The following SUMF1 variants were observed in gnomAD, a reference collection of about 807,000 sequenced individuals.
SUMF1 encodes sulfatase modifying factor 1, also known as formylglycine-generating enzyme.
SUMF1 carries 48 observed loss-of-function variants against 47.6 expected under a neutral mutation model. That is an observed-to-expected ratio of 1.01 (90% CI 0.80 to 1.28). SUMF1 has a LOEUF of 1.28. Among genes scored for constraint, SUMF1 ranks in the 50% most tolerant of loss-of-function variants. SUMF1 has a pLI of 0.00. For missense variants in SUMF1, 571 were observed against 485.4 expected (o/e 1.18, Z -1.66); for synonymous variants, 230 against 192.1 (o/e 1.20, Z -1.63).
intron 8 of SUMF1, among the ~76,000 whole-genome samples, chr3:4,306,115 C>G (rs1387610309): frequency 6.6e-6 from 1 of 152,162 alleles, no homozygotes; most frequent in Admixed American, 6.5e-5. Context: ...TTACAACTGT[C>G]ACGATTAGCT....
chr3:4,440,709 G>GACTTTCAAACA (rs1702557692), intron 3 of SUMF1, among the ~76,000 whole-genome samples: 1 of 152,184 alleles, frequency 6.6e-6, no homozygotes, highest in Admixed American at 6.5e-5. Flanking sequence ...CAATGAAAGT[G>GACTTTCAAACA]ACTTTCAGTT....
intron 8 of SUMF1, among the ~76,000 whole-genome samples, chr3:4,128,910 G>T (rs1166564268): frequency 2.6e-5 from 4 of 152,030 alleles, no homozygotes; most frequent in African/African-American, 7.3e-5. Flanking sequence ...TAGTTTATTT[G>T]CTTGGTTAGC....
At chr3:4,082,425 T>C (rs1018653697) in intron 8 of SUMF1, among the ~76,000 whole-genome samples, 2 of 152,118 alleles carry the variant, frequency 1.3e-5, no homozygotes, top group Non-Finnish European at 2.9e-5. Flanking sequence ...GCCGTGTTCA[T>C]GCCACTGCAC....
chr3:4,252,178 T>G (rs1696817360), intron 8 of SUMF1, among the ~76,000 whole-genome samples: 1 of 152,190 alleles, frequency 6.6e-6, no homozygotes, highest in Non-Finnish European at 1.5e-5. Context: ...AATTCTAATC[T>G]ACAAAATATA....
chr3:4,285,731 A>G (rs1389893256), intron 8 of SUMF1, among the ~76,000 whole-genome samples: 1 of 152,128 alleles, frequency 6.6e-6, no homozygotes, highest in Non-Finnish European at 1.5e-5. Flanking sequence ...TTGCTAAGTG[A>G]TCAGTACTGT....
chr3:4,335,091 G>A (rs1220273516), intron 8 of SUMF1, among the ~76,000 whole-genome samples: 1 of 152,140 alleles, frequency 6.6e-6, no homozygotes, highest in Admixed American at 6.5e-5. Context: ...GATTTCAGTT[G>A]ACATAAGAGG....
intron 8 of SUMF1, among the ~76,000 whole-genome samples, chr3:4,289,853 C>T (rs894429191): frequency 1.3e-5 from 2 of 152,166 alleles, no homozygotes; most frequent in Non-Finnish European, 2.9e-5. Context: ...TGAACAAATG[C>T]TAAAAATAAA....
At chr3:4,424,709 A>T (rs1426783493) in intron 3 of SUMF1, among the ~76,000 whole-genome samples, 1 of 152,250 alleles carries the variant, frequency 6.6e-6, no homozygotes, top group African/African-American at 2.4e-5. Context: ...ACTGTCATAA[A>T]GGTAACCTAT....
At chr3:4,402,412 T>C (rs1321789170) in intron 7 of SUMF1, among the ~76,000 whole-genome samples, 1 of 152,208 alleles carries the variant, frequency 6.6e-6, no homozygotes, top group African/African-American at 2.4e-5. Context: ...CTTAGCATAG[T>C]GCATCTTGAT....
intron 8 of SUMF1, among the ~76,000 whole-genome samples, chr3:4,128,274 G>A (rs1693704012): frequency 6.6e-6 from 1 of 152,182 alleles, no homozygotes; most frequent in Non-Finnish European, 1.5e-5. Context: ...GGTGTCTACT[G>A]TTAAAGTGAG....
intron 8 of SUMF1, among the ~76,000 whole-genome samples, chr3:4,304,754 A>G (rs1698116468): frequency 6.6e-6 from 1 of 152,232 alleles, no homozygotes; most frequent in Non-Finnish European, 1.5e-5. Context: ...GATGTCAAGG[A>G]AAAGAATCAA....
intron 4 of SUMF1, among the ~76,000 whole-genome samples, chr3:4,418,705 T>C (rs1701798172): frequency 6.6e-6 from 1 of 152,226 alleles, no homozygotes; most frequent in Non-Finnish European, 1.5e-5. Context: ...ACATTCTGCA[T>C]CCTAAACTCT....
chr3:4,181,492 G>C (rs540177946), intron 8 of SUMF1, among the ~76,000 whole-genome samples: 9 of 152,310 alleles, frequency 5.9e-5, no homozygotes, highest in East Asian at 5.8e-4. Flanking sequence ...AAGGATGAAA[G>C]AAGATCTGAG....
intron 8 of SUMF1, among the ~76,000 whole-genome samples, chr3:4,213,086 G>A (rs1695835283): frequency 6.6e-6 from 1 of 152,040 alleles, no homozygotes; most frequent in South Asian, 2.1e-4. Flanking sequence ...TCCTCAAGAA[G>A]AGCAACCCCA....
Position 4,376,382 on chromosome 3 carries a change from G to A in SUMF1, c.962C>T (p.Pro321Leu). The change falls in exon 8 of 9, where the codon CCC becomes CTC. Residue 321 changes from proline to leucine, a missense_variant. Transcript: ENST00000272902. ...CTTCACTCGGTCTTTCCCAGAAGGG[G>A]GACCTTTCTACAGATGAAGAAAAAA... ...SVEETLNPKG[P>L]PSGKDRVKKG... 6.2e-7 allele frequency: 1 copy of A among 1,614,058 alleles called. No homozygotes were observed. The highest frequency in any genetic ancestry group is 1.3e-5 in the African/African-American group (1 of 75,034).
intron 8 of SUMF1, among the ~76,000 whole-genome samples, chr3:4,080,862 A>G (rs1160819666): frequency 1.3e-5 from 2 of 152,192 alleles, no homozygotes; most frequent in Non-Finnish European, 2.9e-5. Flanking sequence ...TAACACACAT[A>G]TTAAGAATCT....
At chr3:4,239,714 A>G (rs924539634) in intron 8 of SUMF1, among the ~76,000 whole-genome samples, 7 of 152,196 alleles carry the variant, frequency 4.6e-5, no homozygotes, top group African/African-American at 1.7e-4. Flanking sequence ...TATCATCTGC[A>G]AACAGAGACA....
chr3:4,198,441 C>A (rs1421700148), intron 8 of SUMF1, among the ~76,000 whole-genome samples: 1 of 152,110 alleles, frequency 6.6e-6, no homozygotes, highest in Non-Finnish European at 1.5e-5. Context: ...TCCTTCCTCC[C>A]AGCCCCAAGT....
chr3:4,199,491 G>A (rs1051357353), intron 8 of SUMF1, among the ~76,000 whole-genome samples: 2 of 152,092 alleles, frequency 1.3e-5, no homozygotes, highest in African/African-American at 4.8e-5. Flanking sequence ...AAATACATAG[G>A]AGAGAAATTT....
Sources: allele counts gnomAD v4.1 joint callset (sites outside exome capture counted in the v4.1 genomes callset), GRCh38; gene constraint gnomAD v4.1.1; transcripts MANE v1.5; gene names NCBI Gene and HGNC (gene_info 2026-07-23, HGNC 2026-07-21).